NR6A1: variants seen among roughly 807,000 people sequenced by gnomAD.
NR6A1 encodes the protein retinoic acid receptor-related testis-associated receptor.
In NR6A1, 7 loss-of-function variants were observed where a neutral mutation model predicts 59.1. The observed-to-expected ratio is 0.12, with a 90% confidence interval of 0.07 to 0.22. The LOEUF (loss-of-function observed/expected upper bound fraction) is 0.22, where lower values mean the gene tolerates loss of function less well. NR6A1 is among the 10% of genes least tolerant of loss of function. The pLI is 1.00. For missense variants in NR6A1, 468 were observed against 611.6 expected, an observed-to-expected ratio of 0.77 and a Z score of 2.48; for synonymous variants, 243 against 236.1, an observed-to-expected ratio of 1.03 and a Z score of -0.27.
At chr9:124,632,429 C>T (rs1310483390) in intron 2 of NR6A1, among the ~76,000 whole-genome samples, 2 of 152,182 alleles carry the variant, frequency 1.3e-5, no homozygotes, top group African/African-American at 4.8e-5. Flanking sequence ...TAATGTTGAG[C>T]TGTTTTTCAT....
intron 3 of NR6A1, among the ~76,000 whole-genome samples, chr9:124,551,581 C>G (rs906801612): frequency 2.6e-5 from 4 of 152,120 alleles, no homozygotes; most frequent in Non-Finnish European, 5.9e-5. Flanking sequence ...TTGTTTTTAG[C>G]CTTACAGTAT....
At chr9:124,581,245 C>T (rs10818980) in intron 2 of NR6A1, among the ~76,000 whole-genome samples, 76,226 of 151,974 alleles carry the variant, frequency 0.5, 19,249 homozygotes, top group Admixed American at 0.6. Context: ...GTAACAAAAG[C>T]AAAAATTGAC....
At chr9:124,575,192 C>G (rs1045870685) in intron 2 of NR6A1, among the ~76,000 whole-genome samples, 1 of 152,206 alleles carries the variant, frequency 6.6e-6, no homozygotes, top group Non-Finnish European at 1.5e-5. Flanking sequence ...CCTGTGATCT[C>G]AGGCTGGTCA....
chr9:124,752,046 G>A (rs956478303), intron 1 of NR6A1, among the ~76,000 whole-genome samples: 1 of 152,156 alleles, frequency 6.6e-6, no homozygotes, highest in African/African-American at 2.4e-5. Context: ...CGGGGTGGGC[G>A]GATCACTTGG....
chr9:124,588,290 T>C (rs1834992851), intron 2 of NR6A1, among the ~76,000 whole-genome samples: 2 of 152,016 alleles, frequency 1.3e-5, no homozygotes, highest in Non-Finnish European at 2.9e-5. Context: ...AATTAATTTC[T>C]ACATATCCTA....
chr9:124,717,242 T>C (rs1839435894), intron 2 of NR6A1, among the ~76,000 whole-genome samples: 1 of 152,196 alleles, frequency 6.6e-6, no homozygotes, highest in African/African-American at 2.4e-5. Context: ...CCTAGATGTA[T>C]GACTAAGAGA....
chr9:124,621,626 C>G (rs539634423), intron 2 of NR6A1, among the ~76,000 whole-genome samples: 1 of 151,412 alleles, frequency 6.6e-6, no homozygotes, highest in Admixed American at 6.6e-5. Context: ...TGCACTGGAG[C>G]CTGGGTGACA....
At chr9:124,674,152 C>T (rs1837881394) in intron 2 of NR6A1, among the ~76,000 whole-genome samples, 1 of 152,142 alleles carries the variant, frequency 6.6e-6, no homozygotes, top group Non-Finnish European at 1.5e-5. Flanking sequence ...AGTAAGTGCT[C>T]CATAAATGTT....
At chr9:124,560,458 A>G (rs994963970) in intron 2 of NR6A1, among the ~76,000 whole-genome samples, 1 of 152,164 alleles carries the variant, frequency 6.6e-6, no homozygotes, top group African/African-American at 2.4e-5. Flanking sequence ...TTCTATCCTT[A>G]AAACAGTATT....
At chr9:124,587,941 C>T (rs946957304) in intron 2 of NR6A1, among the ~76,000 whole-genome samples, 7 of 152,184 alleles carry the variant, frequency 4.6e-5, no homozygotes, top group Non-Finnish European at 1.0e-4. Context: ...GATCATAATT[C>T]AATGCAGCCT....
intron 2 of NR6A1, among the ~76,000 whole-genome samples, chr9:124,624,521 T>C (rs1413824452): frequency 6.6e-6 from 1 of 152,232 alleles, no homozygotes; most frequent in Non-Finnish European, 1.5e-5. Context: ...GTTGGCATCA[T>C]GTCCCTGCTT....
At chr9:124,750,392 C>T (rs895794309) in intron 1 of NR6A1, among the ~76,000 whole-genome samples, 4 of 152,194 alleles carry the variant, frequency 2.6e-5, no homozygotes, top group African/African-American at 9.7e-5. Context: ...CTCACAACAG[C>T]ATCTTTCTCC....
At chr9:124,714,224 A>G (rs1435734736) in intron 2 of NR6A1, among the ~76,000 whole-genome samples, 1 of 152,208 alleles carries the variant, frequency 6.6e-6, no homozygotes, top group South Asian at 2.1e-4. Flanking sequence ...AATGGTGGTT[A>G]CCAGGAGCAG....
At chr9:124,708,811 T>C (rs1241765742) in intron 2 of NR6A1, among the ~76,000 whole-genome samples, 1 of 152,180 alleles carries the variant, frequency 6.6e-6, no homozygotes, top group Non-Finnish European at 1.5e-5. Flanking sequence ...CCAGGCAAAG[T>C]AGTACACTGA....
At chr9:124,729,491 G>A (rs1839822924) in intron 2 of NR6A1, among the ~76,000 whole-genome samples, 1 of 152,168 alleles carries the variant, frequency 6.6e-6, no homozygotes, top group Admixed American at 6.5e-5. Flanking sequence ...AACTGAGGTG[G>A]AAGGATCACC....
chr9:124,611,979 A>G (rs991546308), intron 2 of NR6A1, among the ~76,000 whole-genome samples: 29 of 152,122 alleles, frequency 1.9e-4, no homozygotes, highest in Non-Finnish European at 5.9e-5. Flanking sequence ...GTGTGCTCAG[A>G]GAAGAGGTGC....
Position 124,624,659 on chromosome 9 carries a change from T to C in NR6A1, c.143-70089A>G, listed in dbSNP as rs963140854. Among the ~76,000 whole-genome samples the C allele has an allele frequency of 2.0e-5, 3 of 152,140 alleles. No individual in the cohort carries two copies. In the East Asian group the frequency reaches 5.8e-4, roughly 29 times the overall value. On this transcript the variant is annotated intron_variant, in intron 2 of 9. Coordinates refer to ENST00000487099, the MANE Select transcript of NR6A1 (RefSeq NM_033334.4). ...AAGAAAATAGGTCCCCTAAAACAAT[T>C]AGTGTTTCTAAAAAACATGAAACAG...
rs1364203794 is a variant in NR6A1, at chr9:124,706,548, TGTCGCCAGGCTGGAGTGCAGTGGC to T, written c.142+26736_142+26759del. Among the ~76,000 whole-genome samples the T allele has an allele frequency of 2.1e-4, 32 of 152,046 alleles. No individual in the cohort carries two copies. In the East Asian group the frequency reaches 5.8e-3, roughly 28 times the overall value. ...TTTTTTTTTTGAGATAGTCTCGCCC[TGTCGCCAGGCTGGAGTGCAGTGGC>T]GCAATCTTGGCTCATTGCAACCTCC... On this transcript the variant is annotated intron_variant, in intron 2 of 9. Transcript: ENST00000487099.
rs546045865 is a variant in NR6A1 at position 124,727,873 on chromosome 9, C to T, written c.142+5435G>A. 6.3e-4 allele frequency among the ~76,000 whole-genome samples: 95 copies of T among 151,810 alleles called. 1 individual carries two copies. The South Asian group carries it at 0.018, about 29-fold the overall frequency. ...TTTATTTTTTGCATTTTAGTAGAGACGGGGTTTCACCATGTTAGCCAGGAT... is the reference window on the plus strand; with the variant it reads ...TTTATTTTTTGCATTTTAGTAGAGATGGGGTTTCACCATGTTAGCCAGGAT... On this transcript the variant is annotated intron_variant, in intron 2 of 9. Transcript: ENST00000487099.
Sources: allele counts gnomAD v4.1 joint callset (sites outside exome capture counted in the v4.1 genomes callset), GRCh38; gene constraint gnomAD v4.1.1; transcripts MANE v1.5; gene names NCBI Gene and HGNC (gene_info 2026-07-23, HGNC 2026-07-21).